NFXL1: variants seen among roughly 807,000 people sequenced by gnomAD.
NFXL1 encodes the protein nuclear transcription factor, X-box binding like 1.
A neutral mutation model predicts 123.3 loss-of-function variants in NFXL1; 66 were observed. That is an observed-to-expected ratio of 0.54 (90% CI 0.44 to 0.66). The LOEUF (loss-of-function observed/expected upper bound fraction) is 0.66. Among genes scored for constraint, NFXL1 ranks in the 30% least tolerant of loss-of-function variants. The pLI, the probability that NFXL1 is intolerant of heterozygous loss-of-function variation, is 0.00. For missense variants in NFXL1, 944 were observed against 1,125.6 expected (o/e 0.84, Z 2.31); for synonymous variants, 346 against 360.8 (o/e 0.96, Z 0.46).
intron 11 of NFXL1, among the ~76,000 whole-genome samples, chr4:47,891,697 A>G (rs1299062607): frequency 6.6e-6 from 1 of 152,220 alleles, no homozygotes; most frequent in Non-Finnish European, 1.5e-5. Context: ...AGGGTTGTAT[A>G]TAAGAGTAAG....
chr4:47,848,138 T>C lies in NFXL1; in HGVS notation c.*25A>G. ...ACAACTTATCTAAATCCAATCTGAG[T>C]TACATTAAAAGATCAAAACTTTTTT... On this transcript the variant is annotated 3_prime_UTR_variant, in exon 23 of 23. Transcript: ENST00000507489. 6.8e-7 allele frequency: 1 copy of C among 1,470,110 alleles called. No individual in the cohort carries two copies. The highest frequency in any genetic ancestry group is 1.4e-5 in the African/African-American group (1 of 71,264). The allele number at this position is 1,470,110 out of a possible 1,614,324, so 91.1% of individuals were successfully genotyped here.
At chr4:47,904,793 G>C (rs530361857) in intron 4 of NFXL1, among the ~76,000 whole-genome samples, 1 of 152,148 alleles carries the variant, frequency 6.6e-6, no homozygotes, top group Non-Finnish European at 1.5e-5. Context: ...TCTCTCTCCC[G>C]ACTGACCCTC....
chr4:47,888,119 C>T (rs1027776525), intron 12 of NFXL1, among the ~76,000 whole-genome samples: 7 of 152,172 alleles, frequency 4.6e-5, no homozygotes, highest in Non-Finnish European at 8.8e-5. Context: ...ACTAAAAATA[C>T]AAAAATTAGC....
chr4:47,900,473 G>C (rs1401144924), intron 5 of NFXL1, among the ~76,000 whole-genome samples: 2 of 152,182 alleles, frequency 1.3e-5, no homozygotes, highest in Non-Finnish European at 2.9e-5. Context: ...GCCTCCCAAA[G>C]TGCTGGGATT....
At chr4:47,864,872 G>A (rs745923878) in intron 18 of NFXL1, among the ~76,000 whole-genome samples, 22 of 152,144 alleles carry the variant, frequency 1.4e-4, no homozygotes, top group Non-Finnish European at 2.5e-4. Flanking sequence ...TGAGATTTAT[G>A]AGGCACTCTA....
Position 47,878,887 on chromosome 4 carries a change from A to G in NFXL1, c.1938+209T>C, listed in dbSNP as rs1051297048. ...TCTCCTCCTAAAAGGAAAATTCAAT[A>G]TGATTCTGTAGTGAATGCATATCCA... On this transcript the variant is annotated intron_variant, in intron 16 of 22. Transcript: ENST00000507489. Among the ~76,000 whole-genome samples, 3 of 152,156 alleles carry G rather than the reference A, an allele frequency of 2.0e-5. 1 individual carries two copies. The highest frequency in any genetic ancestry group is 2.0e-4 in the Admixed American group (3 of 15,260).
intron 3 of NFXL1, among the ~76,000 whole-genome samples, 198 bp from the exon 4 acceptor site, chr4:47,905,544 T>C (rs887497633): frequency 6.6e-6 from 1 of 152,212 alleles, no homozygotes; most frequent in African/African-American, 2.4e-5. Context: ...AAATCTTGTG[T>C]ACTTTGTTCA....
intron 2 of NFXL1, among the ~76,000 whole-genome samples, chr4:47,911,973 C>G (rs181617841): frequency 5.9e-5 from 9 of 152,290 alleles, no homozygotes; most frequent in Non-Finnish European, 7.4e-5. Flanking sequence ...TTAAAATTAA[C>G]ATTATACTTA....
Position 47,905,325 on chromosome 4 carries a change from T to A in NFXL1, c.428A>T (p.Glu143Val), listed in dbSNP as rs1412069905. The change falls in exon 4 of 23, where the codon GAG becomes GTG. Residue 143 changes from glutamate to valine, a missense_variant. This residue lies in a region of NFXL1 where 303 missense variants were observed against 292.1 expected (regional missense o/e 1.04). Coordinates refer to ENST00000507489, the MANE Select transcript of NFXL1 (RefSeq NM_001278624.2). ...TQTDGDTREL[E>V]RTKQYVNEAF... ...TTCATTTACATATTGTTTTGTTCGC[T>A]CTAATTCACGTGTATCTCCATCTGG... 2 of 1,583,220 alleles carry A rather than the reference T, an allele frequency of 1.3e-6. No individual in the cohort carries two copies. The highest frequency in any genetic ancestry group is 2.7e-5 in the African/African-American group (2 of 74,492).
In NFXL1 at chr4:47,905,267, A is replaced by G. The variant is rs750593893; in HGVS notation, c.486T>C (p.Ile162=). 6 of 1,586,272 alleles carry G rather than the reference A, an allele frequency of 3.8e-6. No individual in the cohort carries two copies. The Admixed American group carries it at 1.0e-4, about 27-fold the overall frequency. ...GGTTTCTCTTCACCGAAGCAATACA[A>G]ATTAGGCATGTCATAGCCCCTGCTT... is the stretch of plus-strand genomic sequence containing the variant. The part of the protein sequence containing the change: ...AFQAGAMTCL[I]CIASVKRNQA... Residue 162 remains isoleucine (I), a synonymous_variant, in exon 4 of 23, where the codon ATT becomes ATC. Transcript: ENST00000507489.
chr4:47,909,145 T>G (rs1737709988), intron 3 of NFXL1, among the ~76,000 whole-genome samples: 1 of 152,048 alleles, frequency 6.6e-6, no homozygotes, highest in Admixed American at 6.5e-5. Flanking sequence ...CTAACAACTC[T>G]ACAGTATTTA....
intron 3 of NFXL1, among the ~76,000 whole-genome samples, chr4:47,907,165 TAGG>T (rs1449970662): frequency 6.6e-6 from 1 of 152,114 alleles, no homozygotes; most frequent in Non-Finnish European, 1.5e-5. Context: ...AAGTAAAACT[TAGG>T]AGGACTTGGT....
intron 3 of NFXL1, among the ~76,000 whole-genome samples, chr4:47,907,460 C>A (rs773124433): frequency 3.3e-5 from 5 of 152,160 alleles, no homozygotes; most frequent in Non-Finnish European, 7.3e-5. Context: ...GTTGGCCATG[C>A]AAGTTTGAAA....
chr4:47,858,488 G>T (rs1389350576), intron 19 of NFXL1, among the ~76,000 whole-genome samples: 2 of 152,164 alleles, frequency 1.3e-5, no homozygotes, highest in Non-Finnish European at 2.9e-5. Flanking sequence ...ACCACATTTG[G>T]AAATTATTCA....
chr4:47,850,024 C>G (rs960167522), intron 22 of NFXL1, among the ~76,000 whole-genome samples: 6 of 151,624 alleles, frequency 4.0e-5, no homozygotes, highest in Non-Finnish European at 8.8e-5. Flanking sequence ...GATGCAGAAC[C>G]TACATATACT....
chr4:47,848,361 A>G (rs1301052169), intron 22 of NFXL1, 25 bp from the exon 23 acceptor site: 4 of 1,525,066 alleles, frequency 2.6e-6, no homozygotes, highest in Non-Finnish European at 3.6e-6. Context: ...CATCATTTTA[A>G]TTAAATTCAA....
At chr4:47,903,134 CAA>C in intron 5 of NFXL1, 57 bp downstream of exon 5, 2 of 1,292,176 alleles carry the variant, frequency 1.5e-6, no homozygotes, top group Non-Finnish European at 2.1e-6. Flanking sequence ...GCCTGCGTGA[CAA>C]GAGCAAAACT....
chr4:47,898,727 AC>A, intron 8 of NFXL1, 29 bp downstream of exon 8: 1 of 764,400 alleles, frequency 1.3e-6, no homozygotes, highest in East Asian at 2.9e-5. Context: ...ACTCTTTAAT[AC>A]CCACCCCTCA....
chr4:47,867,517 C>G (rs1326455465), intron 18 of NFXL1, among the ~76,000 whole-genome samples: 2 of 152,108 alleles, frequency 1.3e-5, no homozygotes, highest in East Asian at 3.9e-4. Context: ...GTATTTAAAA[C>G]TATAATCCAG....
Sources: gnomAD v4.1 joint callset for allele counts (sites outside exome capture counted in the v4.1 genomes callset) on GRCh38, gnomAD v4.1.1 for gene constraint, gnomAD v4.1.1 regional missense constraint, MANE v1.5 for transcripts, NCBI Gene and HGNC (gene_info 2026-07-23, HGNC 2026-07-21) for gene names.